The following FBXL17 variants were observed in gnomAD, a reference collection of about 807,000 sequenced individuals.
The protein encoded by FBXL17 is F-box and leucine rich repeat protein 17, also known as F-box/LRR-repeat protein 17.
In FBXL17, 22 loss-of-function variants were observed where a neutral mutation model predicts 66.2. The ratio of observed to expected loss-of-function variants is 0.33; its 90% CI spans 0.24 to 0.47. The LOEUF is 0.47. Among genes scored for constraint, FBXL17 ranks in the 20% least tolerant of loss-of-function variants. The pLI, the probability that FBXL17 is intolerant of heterozygous loss-of-function variation, is 1.00. For synonymous variants in FBXL17, 474 were observed against 400.5 expected, an observed-to-expected ratio of 1.18 and a Z score of -2.19; for missense variants, 878 against 948.2, an observed-to-expected ratio of 0.93 and a Z score of 0.97.
chr5:108,241,487 C>A (rs1755852480), intron 4 of FBXL17, among the ~76,000 whole-genome samples: 2 of 151,794 alleles, frequency 1.3e-5, no homozygotes, highest in South Asian at 4.2e-4. Context: ...ATAAAGAATG[C>A]CTACAAGATC....
At chr5:108,329,473 AG>A in intron 4 of FBXL17, among the ~76,000 whole-genome samples, 1 of 152,290 alleles carries the variant, frequency 6.6e-6, no homozygotes, top group Admixed American at 6.5e-5. Context: ...GAGGACTCAT[AG>A]GATACAGTGG....
At chr5:108,168,690 C>T (rs1051022507) in intron 6 of FBXL17, among the ~76,000 whole-genome samples, 4 of 152,022 alleles carry the variant, frequency 2.6e-5, no homozygotes, top group Non-Finnish European at 4.4e-5. Flanking sequence ...CAGAGAGTTG[C>T]GATTTAGGAT....
rs542276511 is a variant in FBXL17 at position 108,317,113 on chromosome 5, T to C, written c.1506+31286A>G. On this transcript the variant is annotated intron_variant, in intron 4 of 8. Coordinates refer to ENST00000542267, the MANE Select transcript of FBXL17 (RefSeq NM_001163315.3). ...ACAGGTACTAATTAAGGAGAAGAGA[T>C]GCAAAGCTAAATCTTAGCTTTCTTC... Among the ~76,000 whole-genome samples the C allele has an allele frequency of 2.6e-4, 40 of 151,420 alleles. No individual in the cohort carries two copies. The South Asian group carries it at 7.1e-3, about 27-fold the overall frequency.
In FBXL17 at chr5:108,312,587, G is replaced by GA. The variant is rs775889027; in HGVS notation, c.1506+35811dup. On this transcript the variant is annotated intron_variant, in intron 4 of 8. Transcript: ENST00000542267. The stretch of plus-strand genomic sequence containing the variant: ...CTTGAAAAGCACCTTAAAACCAAAG[G>GA]AAAAAAAAAACCCTGCTATTCTAAT... Among the ~76,000 whole-genome samples the GA allele has an allele frequency of 1.2e-3, 177 of 142,768 alleles. 1 individual carries two copies. The highest frequency in any genetic ancestry group is 2.1e-3 in the Non-Finnish European group (136 of 64,894). The allele number at this position is 142,768 out of a possible 152,430, so 93.7% of individuals were successfully genotyped here.
At chr5:107,946,643 GAA>G in intron 7 of FBXL17, among the ~76,000 whole-genome samples, 1 of 151,786 alleles carries the variant, frequency 6.6e-6, no homozygotes, top group Admixed American at 6.6e-5. Context: ...CTTGTATCTT[GAA>G]ATCTTTGTCA....
chr5:108,019,737 A>C (rs1032717956), intron 7 of FBXL17, among the ~76,000 whole-genome samples: 1 of 152,032 alleles, frequency 6.6e-6, no homozygotes, highest in Non-Finnish European at 1.5e-5. Flanking sequence ...AATGCAAGAC[A>C]TAAGAAGTTT....
At chr5:108,241,992 C>G (rs1351412302) in intron 4 of FBXL17, among the ~76,000 whole-genome samples, 3 of 152,126 alleles carry the variant, frequency 2.0e-5, no homozygotes, top group Non-Finnish European at 2.9e-5. Flanking sequence ...TTCATCAACA[C>G]TAGATCTGTC....
At chr5:108,001,092 C>T (rs1472099156) in intron 7 of FBXL17, among the ~76,000 whole-genome samples, 2 of 152,036 alleles carry the variant, frequency 1.3e-5, no homozygotes, top group Non-Finnish European at 2.9e-5. Flanking sequence ...AAATGTTGAC[C>T]TCAAAGCCCT....
chr5:108,155,298 C>T (rs1751950801), intron 6 of FBXL17, among the ~76,000 whole-genome samples: 1 of 152,016 alleles, frequency 6.6e-6, no homozygotes, highest in Non-Finnish European at 1.5e-5. Flanking sequence ...GGGCAGATCA[C>T]GAGGTCTGGA....
chr5:108,138,084 A>G (rs1302353559), intron 6 of FBXL17, among the ~76,000 whole-genome samples: 4 of 152,210 alleles, frequency 2.6e-5, no homozygotes, highest in African/African-American at 7.2e-5. Context: ...TAAAGATTCT[A>G]AATCAAAAGG....
chr5:108,141,867 C>T (rs1751363900), intron 6 of FBXL17, among the ~76,000 whole-genome samples: 1 of 152,184 alleles, frequency 6.6e-6, no homozygotes, highest in South Asian at 2.1e-4. Context: ...CAGTGTAAAC[C>T]TCACACCTCT....
intron 8 of FBXL17, among the ~76,000 whole-genome samples, chr5:107,876,591 C>G (rs901391783): frequency 6.6e-5 from 10 of 152,190 alleles, no homozygotes; most frequent in African/African-American, 2.4e-4. Flanking sequence ...CCAGTGAGGG[C>G]TGTTTTTTCC....
chr5:108,185,119 G>A (rs1753175151), intron 6 of FBXL17, among the ~76,000 whole-genome samples: 1 of 152,002 alleles, frequency 6.6e-6, no homozygotes, highest in South Asian at 2.1e-4. Context: ...AAAAACTTCT[G>A]ATTCTATACT....
At chr5:107,890,410 C>A (rs1168682732) in intron 7 of FBXL17, among the ~76,000 whole-genome samples, 2 of 151,800 alleles carry the variant, frequency 1.3e-5, no homozygotes, top group Non-Finnish European at 2.9e-5. Flanking sequence ...GCCTATAATC[C>A]CTGTACTTTG....
intron 7 of FBXL17, among the ~76,000 whole-genome samples, chr5:107,922,060 G>A (rs1334712805): frequency 1.3e-5 from 2 of 152,124 alleles, no homozygotes; most frequent in African/African-American, 4.8e-5. Flanking sequence ...AGGCCAATAA[G>A]ACCTGCTTTT....
chr5:108,170,010 G>C (rs1015960250), intron 6 of FBXL17, among the ~76,000 whole-genome samples: 1 of 151,884 alleles, frequency 6.6e-6, no homozygotes, highest in South Asian at 2.1e-4. Flanking sequence ...AAAACTAAAA[G>C]AAAAAAATGT....
At chr5:108,179,173 T>C (rs560161118) in intron 6 of FBXL17, among the ~76,000 whole-genome samples, 1 of 152,318 alleles carries the variant, frequency 6.6e-6, no homozygotes, top group African/African-American at 2.4e-5. Context: ...CAGCAAATAT[T>C]TTATATCACC....
At chr5:107,945,095 A>G (rs1217705311) in intron 7 of FBXL17, among the ~76,000 whole-genome samples, 1 of 152,132 alleles carries the variant, frequency 6.6e-6, no homozygotes, top group Non-Finnish European at 1.5e-5. Context: ...TCTAAATAAA[A>G]AAAAGATATG....
At chr5:108,099,811 C>T (rs1444074233) in intron 6 of FBXL17, among the ~76,000 whole-genome samples, 1 of 152,186 alleles carries the variant, frequency 6.6e-6, no homozygotes, top group African/African-American at 2.4e-5. Flanking sequence ...TTGAGGATGG[C>T]ATATTCTTAA....
Sources: allele counts gnomAD v4.1 joint callset (sites outside exome capture counted in the v4.1 genomes callset), GRCh38; gene constraint gnomAD v4.1.1; transcripts MANE v1.5; gene names NCBI Gene and HGNC (gene_info 2026-07-23, HGNC 2026-07-21).